Variants in CFH observed in about 807,000 individuals in gnomAD.
CFH encodes complement factor H.
In CFH, 53 loss-of-function variants were observed where a neutral mutation model predicts 147.3. The observed-to-expected ratio is 0.36, with a 90% CI of 0.29 to 0.45. CFH has a LOEUF of 0.45. CFH is among the 20% of genes least tolerant of loss of function. The pLI, the probability that CFH is intolerant of heterozygous loss-of-function variation, is 1.00. For synonymous variants in CFH, 536 were observed against 489.4 expected, an observed-to-expected ratio of 1.10 and a Z score of -1.26; for missense variants, 1,380 against 1,498.0, an observed-to-expected ratio of 0.92 and a Z score of 1.30.
chr1:196,664,067 C>T (rs192016571), intron 1 of CFH, among the ~76,000 whole-genome samples: 28 of 151,890 alleles, frequency 1.8e-4, no homozygotes, highest in Admixed American at 1.8e-3. Flanking sequence ...CTGTTTTTTT[C>T]CCCTTTTGTG....
At chr1:196,662,488 C>T (rs1666942404) in intron 1 of CFH, among the ~76,000 whole-genome samples, 1 of 151,344 alleles carries the variant, frequency 6.6e-6, no homozygotes, top group African/African-American at 2.5e-5. Context: ...TTCATTTCTT[C>T]TTTCATCCTA....
At chr1:196,692,446 G>A in intron 9 of CFH, 1 of 615,414 alleles carries the variant, frequency 1.6e-6, no homozygotes, top group Non-Finnish European at 2.0e-6. Flanking sequence ...CTCAATCAAC[G>A]TTTATGCCTC....
intron 1 of CFH, among the ~76,000 whole-genome samples, chr1:196,656,282 C>G (rs533233045): frequency 7.1e-6 from 1 of 141,836 alleles, no homozygotes; most frequent in Non-Finnish European, 1.5e-5. Flanking sequence ...TCAGCTTGGG[C>G]GACAGAGGGA....
intron 11 of CFH, among the ~76,000 whole-genome samples, chr1:196,718,049 C>G (rs1242251391): frequency 1.3e-5 from 2 of 152,148 alleles, no homozygotes; most frequent in Middle Eastern, 3.4e-3. Flanking sequence ...GAAATAGTCA[C>G]AGCTGAGAAA....
chr1:196,733,346 T>G (rs192800060), intron 15 of CFH, among the ~76,000 whole-genome samples: 2 of 152,086 alleles, frequency 1.3e-5, no homozygotes, highest in African/African-American at 2.4e-5. Context: ...CAATTTGGCA[T>G]AGCGCCTGGA....
chr1:196,679,703 C>T lies in CFH; in HGVS notation c.700C>T (p.Gln234Ter). The change falls in exon 6 of 22, where the codon CAA becomes TAA. Residue 234 changes from glutamine (Q) to a stop codon, truncating the protein, a stop_gained. Transcript: ENST00000367429. LOFTEE classifies it high-confidence loss of function. ...KIIYKENERF[Q>*]YKCNMGYEYS... ...TATTTATAAGGAGAATGAACGATTT[C>T]AATATAAATGTAACATGGGTTATGA... 1 of 1,610,334 alleles carries T rather than the reference C, an allele frequency of 6.2e-7. No homozygotes were observed. The highest frequency in any genetic ancestry group is 8.5e-7 in the Non-Finnish European group (1 of 1,177,396).
chr1:196,693,100 A>G (rs1201469441), intron 9 of CFH, among the ~76,000 whole-genome samples: 1 of 151,988 alleles, frequency 6.6e-6, no homozygotes, highest in Non-Finnish European at 1.5e-5. Context: ...TCAACGTTAT[A>G]TTTTCATGTA....
chr1:196,676,244 C>A (rs1050013120), intron 4 of CFH, among the ~76,000 whole-genome samples, 179 bp downstream of exon 4: 1 of 151,518 alleles, frequency 6.6e-6, no homozygotes, highest in Non-Finnish European at 1.5e-5. Flanking sequence ...TTTCAAAAGC[C>A]AAAAACGAAT....
At chr1:196,674,075 A>G (rs1667377283) in intron 3 of CFH, 113 bp downstream of exon 3, 1 of 735,594 alleles carries the variant, frequency 1.4e-6, no homozygotes, top group Non-Finnish European at 2.3e-6. Context: ...AAAAAGTAAT[A>G]CACAAGTACC....
At chr1:196,712,885 C>A (rs1173867088) in intron 9 of CFH, among the ~76,000 whole-genome samples, 13 of 150,208 alleles carry the variant, frequency 8.7e-5, no homozygotes, top group Non-Finnish European at 7.4e-5. Flanking sequence ...TTTGTCCTTG[C>A]GATAGTTTAC....
chr1:196,688,250 A>G (rs1403084413), intron 7 of CFH, among the ~76,000 whole-genome samples: 3 of 152,080 alleles, frequency 2.0e-5, no homozygotes, highest in African/African-American at 7.2e-5. Context: ...ACCTGTTAAT[A>G]TAATAAACAA....
chr1:196,675,821 G>C (rs1667434382), intron 3 of CFH, among the ~76,000 whole-genome samples, 168 bp from the exon 4 acceptor site: 1 of 152,058 alleles, frequency 6.6e-6, no homozygotes, highest in African/African-American at 2.4e-5. Flanking sequence ...CAGAGTGAAG[G>C]AGGAGGAGAA....
At position 196,689,361 on chromosome 1, in the gene CFH, A is replaced by C. The variant is rs990734018; in HGVS notation, c.965-59A>C. The C allele has an allele frequency of 2.1e-6, 3 of 1,436,040 alleles. No individual in the cohort carries two copies. The African/African-American group carries it at 4.3e-5, about 21-fold the overall frequency. 89.0% of individuals were successfully genotyped at this position (1,436,040 alleles called of 1,614,324 possible). On this transcript the variant is annotated intron_variant, in intron 7 of 21. Transcript: ENST00000367429. Reference sequence around the variant, plus strand: ...ATTCAGTGATAAAAATTTATCTCTAATATGAGTGTTTATTACAGTAAAATT... The same window carrying C: ...ATTCAGTGATAAAAATTTATCTCTACTATGAGTGTTTATTACAGTAAAATT...
At chr1:196,744,595 A>G (rs35052326) in intron 20 of CFH, among the ~76,000 whole-genome samples, 2 of 152,114 alleles carry the variant, frequency 1.3e-5, no homozygotes, top group African/African-American at 2.4e-5. Flanking sequence ...TGGAATATGG[A>G]AACCTTACTT....
intron 9 of CFH, among the ~76,000 whole-genome samples, chr1:196,692,582 T>C (rs541210026): frequency 2.6e-3 from 253 of 96,124 alleles, no homozygotes; most frequent in African/African-American, 9.1e-3. Flanking sequence ...TTTTTCTTTC[T>C]TTCTTTCCTT....
intron 1 of CFH, among the ~76,000 whole-genome samples, chr1:196,657,373 C>A (rs1310915508): frequency 3.9e-5 from 6 of 152,022 alleles, no homozygotes; most frequent in Non-Finnish European, 8.8e-5. Flanking sequence ...GACCCTTGAC[C>A]AATATGTGCT....
At chr1:196,719,755 G>C (rs912589362) in intron 11 of CFH, among the ~76,000 whole-genome samples, 1 of 151,394 alleles carries the variant, frequency 6.6e-6, no homozygotes, top group Non-Finnish European at 1.5e-5. Flanking sequence ...ATCTGAATCA[G>C]AATAATTATC....
At chr1:196,737,035 A>T in intron 16 of CFH, 29 bp downstream of exon 16, 1 of 1,565,102 alleles carries the variant, frequency 6.4e-7, no homozygotes, top group Non-Finnish European at 8.8e-7. Context: ...GTTTTACATA[A>T]TTCTTTCAAA....
intron 10 of CFH, among the ~76,000 whole-genome samples, chr1:196,714,703 A>AGAGAGAGG (rs1668824288): frequency 1.6e-5 from 2 of 128,824 alleles, no homozygotes; most frequent in East Asian, 2.2e-4. Context: ...AGAGAGAGAG[A>AGAGAGAGG]GAGAGAGAGA....
Sources: gnomAD v4.1 joint callset for allele counts (sites outside exome capture counted in the v4.1 genomes callset) on GRCh38, gnomAD v4.1.1 for gene constraint, MANE v1.5 for transcripts, NCBI Gene and HGNC (gene_info 2026-07-23, HGNC 2026-07-21) for gene names.